Variants in SYT14 observed in about 807,000 individuals in gnomAD.
SYT14 encodes the protein synaptotagmin 14, also known as synaptotagmin-14.
SYT14 carries 32 observed loss-of-function variants against 74.2 expected under a neutral mutation model. The observed-to-expected ratio is 0.43, with a 90% CI of 0.33 to 0.58. The LOEUF is 0.58. Ranked by LOEUF, SYT14 falls within the 20% of genes least tolerant of loss-of-function variation. The probability of loss-of-function intolerance (pLI) is 0.05; values close to 1 mark genes in which losing one functional copy is unlikely to be tolerated. For synonymous variants in SYT14, 298 were observed against 337.7 expected (o/e 0.88, Z 1.29); for missense variants, 791 against 981.8 (o/e 0.81, Z 2.60).
chr1:209,977,456 C>G, intron 2 of SYT14, among the ~76,000 whole-genome samples: 1 of 152,096 alleles, frequency 6.6e-6, no homozygotes, highest in East Asian at 1.9e-4. Context: ...ATTTCTCCTT[C>G]ACTTATGAAG....
chr1:210,110,280 A>T (rs760578653), intron 7 of SYT14, among the ~76,000 whole-genome samples: 81 of 152,220 alleles, frequency 5.3e-4, no homozygotes, highest in Non-Finnish European at 1.1e-3. Context: ...AAAAATTTTT[A>T]AAAGAAGATT....
intron 6 of SYT14, among the ~76,000 whole-genome samples, chr1:210,099,267 G>A (rs2082018214): frequency 6.6e-6 from 1 of 151,990 alleles, no homozygotes; most frequent in Admixed American, 6.6e-5. Flanking sequence ...ACAATTACAG[G>A]AAAAATGGTT....
chr1:209,952,796 A>G, intron 2 of SYT14, 40 bp downstream of exon 2: 1 of 1,527,802 alleles, frequency 6.5e-7, no homozygotes, highest in South Asian at 1.1e-5. Context: ...ATACTAAATG[A>G]ATACTTCCAA....
At chr1:210,121,518 G>A (rs964492574) in intron 7 of SYT14, among the ~76,000 whole-genome samples, 1 of 152,174 alleles carries the variant, frequency 6.6e-6, no homozygotes, top group African/African-American at 2.4e-5. Context: ...AGTAGGGCCA[G>A]GCGCGGTGGC....
intron 2 of SYT14, among the ~76,000 whole-genome samples, chr1:209,962,605 C>T (rs2079093883): frequency 6.6e-6 from 1 of 152,040 alleles, no homozygotes; most frequent in Non-Finnish European, 1.5e-5. Flanking sequence ...GGGAGGGTGC[C>T]TACCGCATTG....
At chr1:209,942,055 T>A (rs1412294946) in intron 1 of SYT14, among the ~76,000 whole-genome samples, 2 of 152,182 alleles carry the variant, frequency 1.3e-5, no homozygotes, top group East Asian at 1.9e-4. Flanking sequence ...AACTACGTTT[T>A]CCATGCACGG....
intron 2 of SYT14, among the ~76,000 whole-genome samples, chr1:210,008,188 T>G (rs757477219): frequency 6.6e-6 from 1 of 152,170 alleles, no homozygotes; most frequent in Non-Finnish European, 1.5e-5. Flanking sequence ...GTGTTTGATA[T>G]TGTTCAGGTT....
chr1:210,007,900 T>G (rs1049327613), intron 2 of SYT14, among the ~76,000 whole-genome samples: 2 of 152,164 alleles, frequency 1.3e-5, no homozygotes, highest in Non-Finnish European at 2.9e-5. Flanking sequence ...ATAAATTGTC[T>G]TGAGTGTTAA....
chr1:210,079,215 ATAAAT>A (rs1489639070), intron 5 of SYT14, among the ~76,000 whole-genome samples: 2 of 152,146 alleles, frequency 1.3e-5, no homozygotes, highest in Admixed American at 6.6e-5. Flanking sequence ...AAATAAATCA[ATAAAT>A]TAATTAATTT....
intron 1 of SYT14, among the ~76,000 whole-genome samples, chr1:209,938,620 C>T (rs1174875253): frequency 6.6e-6 from 1 of 152,022 alleles, no homozygotes; most frequent in Non-Finnish European, 1.5e-5. Flanking sequence ...CCTGCAGACC[C>T]CACGGGACGG....
intron 7 of SYT14, among the ~76,000 whole-genome samples, chr1:210,131,879 C>T (rs2082681001): frequency 6.6e-6 from 1 of 152,154 alleles, no homozygotes. Flanking sequence ...ATGAAGTCCT[C>T]ATTGTATTTG....
chr1:209,945,470 G>T (rs2078807877), intron 1 of SYT14, among the ~76,000 whole-genome samples: 1 of 152,166 alleles, frequency 6.6e-6, no homozygotes, highest in Non-Finnish European at 1.5e-5. Flanking sequence ...TGGTTGGGGG[G>T]AGTTGCATTA....
At chr1:210,025,121 C>T (rs776831594) in intron 5 of SYT14, among the ~76,000 whole-genome samples, 7 of 152,132 alleles carry the variant, frequency 4.6e-5, no homozygotes, top group Non-Finnish European at 1.0e-4. Flanking sequence ...CAACTGTTCA[C>T]CTTCTTCCTG....
intron 5 of SYT14, among the ~76,000 whole-genome samples, chr1:210,029,082 A>G (rs532316214): frequency 6.6e-6 from 1 of 152,202 alleles, no homozygotes; most frequent in African/African-American, 2.4e-5. Flanking sequence ...TTTTTGGAGA[A>G]ATGTCCAAAT....
chr1:209,992,614 A>C (rs1161317455), intron 2 of SYT14, among the ~76,000 whole-genome samples: 1 of 152,208 alleles, frequency 6.6e-6, no homozygotes, highest in African/African-American at 2.4e-5. Context: ...GGCTACGCTA[A>C]AAACACCACT....
intron 5 of SYT14, among the ~76,000 whole-genome samples, chr1:210,034,282 T>G (rs902344797): frequency 2.6e-5 from 4 of 151,734 alleles, no homozygotes; most frequent in Non-Finnish European, 5.9e-5. Context: ...TGCACCAAAC[T>G]TCTCCACTGA....
At chr1:210,115,566 GTC>G (rs2082343993) in intron 7 of SYT14, among the ~76,000 whole-genome samples, 1 of 151,270 alleles carries the variant, frequency 6.6e-6, no homozygotes, top group Non-Finnish European at 1.5e-5. Flanking sequence ...TGTCTTCTCT[GTC>G]TCTACCAGAA....
chr1:210,012,516 A>G (rs2080104375), intron 2 of SYT14, among the ~76,000 whole-genome samples: 1 of 152,178 alleles, frequency 6.6e-6, no homozygotes, highest in East Asian at 1.9e-4. Context: ...GGCAATGAGT[A>G]TAACATTTGA....
chr1:210,142,030 A>G (rs985689784), intron 7 of SYT14, among the ~76,000 whole-genome samples: 3 of 152,194 alleles, frequency 2.0e-5, no homozygotes, highest in African/African-American at 7.2e-5. Flanking sequence ...ATTGTTTCCA[A>G]CAGATGTTCT....
Sources: gnomAD v4.1 joint callset for allele counts (sites outside exome capture counted in the v4.1 genomes callset) on GRCh38, gnomAD v4.1.1 for gene constraint, MANE v1.5 for transcripts, NCBI Gene and HGNC (gene_info 2026-07-23, HGNC 2026-07-21) for gene names.